The following RSRC1 variants were observed in gnomAD, a reference collection of about 807,000 sequenced individuals.
RSRC1 encodes serine/Arginine-related protein 53.
In RSRC1, 39 loss-of-function variants were observed where a neutral mutation model predicts 49.1. That is an observed-to-expected ratio of 0.79 (90% CI 0.61 to 1.04). The LOEUF (loss-of-function observed/expected upper bound fraction) is 1.04. RSRC1 is among the 50% of genes least tolerant of loss of function. The probability of loss-of-function intolerance (pLI) is 0.00; values close to 1 mark genes in which losing one functional copy is unlikely to be tolerated. For synonymous variants in RSRC1, 143 were observed against 130.8 expected, an observed-to-expected ratio of 1.09 and a Z score of -0.63; for missense variants, 388 against 402.4, an observed-to-expected ratio of 0.96 and a Z score of 0.31.
intron 4 of RSRC1, among the ~76,000 whole-genome samples, chr3:158,242,111 T>A (rs1161888228): frequency 6.8e-6 from 1 of 147,808 alleles, no homozygotes; most frequent in Non-Finnish European, 1.5e-5. Context: ...GTTAAGTGTG[T>A]GCCATGGTGA....
intron 4 of RSRC1, among the ~76,000 whole-genome samples, chr3:158,230,870 A>G (rs1254098530): frequency 1.3e-5 from 2 of 152,152 alleles, no homozygotes; most frequent in Non-Finnish European, 2.9e-5. Flanking sequence ...AAAGCATGAC[A>G]TGATATTAGA....
chr3:158,518,375 A>AT (rs62873061), intron 7 of RSRC1, among the ~76,000 whole-genome samples: 1,483 of 144,088 alleles, frequency 0.01, 11 homozygotes, highest in Non-Finnish European at 0.013. Flanking sequence ...TTTATAAAAG[A>AT]TTTTTTTTTT....
At chr3:158,261,880 A>G (rs939730562) in intron 4 of RSRC1, among the ~76,000 whole-genome samples, 1 of 152,234 alleles carries the variant, frequency 6.6e-6, no homozygotes, top group African/African-American at 2.4e-5. Context: ...ATTTCATTAT[A>G]TATGACAATG....
intron 3 of RSRC1, among the ~76,000 whole-genome samples, chr3:158,191,278 T>C (rs1446680344): frequency 1.3e-5 from 2 of 152,140 alleles, no homozygotes; most frequent in African/African-American, 4.8e-5. Flanking sequence ...AATGTCATCC[T>C]GACATGGAAT....
In RSRC1 at chr3:158,513,882, C is replaced by T. The variant is rs529540854; in HGVS notation, c.653-23210C>T. 1.2e-3 allele frequency among the ~76,000 whole-genome samples: 178 copies of T among 152,276 alleles called. 1 individual carries two copies. The South Asian group carries it at 0.013, about 11-fold the overall frequency. ...GTGTCAAGGAATTTATCCATTTCTT[C>T]TAGATTTTCTAGTTTATTTGCGTAG... On this transcript the variant is annotated intron_variant, in intron 7 of 9. Coordinates refer to ENST00000611884, the MANE Select transcript of RSRC1 (RefSeq NM_001271838.2).
chr3:158,495,871 A>G (rs1310123784), intron 7 of RSRC1, among the ~76,000 whole-genome samples: 2 of 152,270 alleles, frequency 1.3e-5, no homozygotes, highest in African/African-American at 2.4e-5. Flanking sequence ...AGCCTAAAAT[A>G]CTGTCTTGCC....
chr3:158,166,488 A>G (rs932511904), intron 3 of RSRC1, among the ~76,000 whole-genome samples: 1 of 152,202 alleles, frequency 6.6e-6, no homozygotes, highest in Admixed American at 6.5e-5. Context: ...ACGGTCAATT[A>G]TGCCCTTTTG....
chr3:158,293,847 TTA>T (rs1396193772), intron 4 of RSRC1, among the ~76,000 whole-genome samples: 1 of 152,118 alleles, frequency 6.6e-6, no homozygotes, highest in African/African-American at 2.4e-5. Flanking sequence ...AGAGTTGTTA[TTA>T]CTCCATTGTC....
intron 6 of RSRC1, among the ~76,000 whole-genome samples, chr3:158,415,632 A>G (rs139207875): frequency 1.4e-4 from 21 of 152,162 alleles, no homozygotes; most frequent in African/African-American, 4.8e-4. Context: ...CAGTTTTTAA[A>G]TAATTCTTAT....
intron 6 of RSRC1, among the ~76,000 whole-genome samples, chr3:158,459,634 A>G (rs12631628): frequency 0.32 from 48,753 of 151,930 alleles, 8,610 homozygotes; most frequent in Middle Eastern, 0.47. Flanking sequence ...AGGGAGAATA[A>G]AGTGTAAATG....
chr3:158,473,148 G>T (rs1360001708), intron 7 of RSRC1, among the ~76,000 whole-genome samples: 5 of 152,132 alleles, frequency 3.3e-5, no homozygotes, highest in Non-Finnish European at 7.3e-5. Flanking sequence ...ATATGACCCA[G>T]CTATCCCATT....
At position 158,544,162 on chromosome 3, in the gene RSRC1, C is replaced by A. The variant is rs956797861; in HGVS notation, c.913-21C>A. On this transcript the variant is annotated intron_variant, in intron 9 of 9. Coordinates refer to ENST00000611884, the MANE Select transcript of RSRC1 (RefSeq NM_001271838.2). Reference sequence around the variant, plus strand: ...TTATTGGGAGACAGTAACATTTTTTCTTTTTCTTTTCTTATTTCAGTTATT... The same window carrying A: ...TTATTGGGAGACAGTAACATTTTTTATTTTTCTTTTCTTATTTCAGTTATT... 7.1e-6 allele frequency: 11 copies of A among 1,557,378 alleles called. No individual in the cohort carries two copies. In the Admixed American group the frequency reaches 1.7e-4, roughly 24 times the overall value.
At chr3:158,314,933 G>A (rs2108151914) in intron 5 of RSRC1, among the ~76,000 whole-genome samples, 1 of 152,114 alleles carries the variant, frequency 6.6e-6, no homozygotes, top group East Asian at 1.9e-4. Context: ...AGAGGAGGCT[G>A]AGGCAGGAGA....
intron 4 of RSRC1, among the ~76,000 whole-genome samples, chr3:158,234,361 G>T (rs762490067): frequency 6.6e-6 from 1 of 152,120 alleles, no homozygotes; most frequent in Non-Finnish European, 1.5e-5. Flanking sequence ...CCTTGTGATA[G>T]CAATGATTAT....
At chr3:158,434,494 G>C (rs1175283512) in intron 6 of RSRC1, among the ~76,000 whole-genome samples, 1 of 152,058 alleles carries the variant, frequency 6.6e-6, no homozygotes, top group East Asian at 1.9e-4. Context: ...AAACATTCTA[G>C]TTTGGATAAG....
intron 1 of RSRC1, among the ~76,000 whole-genome samples, chr3:158,119,923 C>G (rs957365933): frequency 6.6e-6 from 1 of 151,302 alleles, no homozygotes; most frequent in Admixed American, 6.6e-5. Flanking sequence ...CTCCGCCTCC[C>G]AGGTTCAAGC....
chr3:158,311,436 G>A (rs1728119783), intron 5 of RSRC1, among the ~76,000 whole-genome samples: 1 of 151,606 alleles, frequency 6.6e-6, no homozygotes, highest in Non-Finnish European at 1.5e-5. Context: ...TTAATATTTA[G>A]ATTTAAAAAT....
intron 3 of RSRC1, among the ~76,000 whole-genome samples, chr3:158,135,527 G>A (rs1159554933): frequency 2.6e-5 from 4 of 151,022 alleles, no homozygotes; most frequent in Non-Finnish European, 5.9e-5. Flanking sequence ...TGATCTACAC[G>A]CCTAGGCCTC....
At chr3:158,505,855 A>G (rs1739837137) in intron 7 of RSRC1, among the ~76,000 whole-genome samples, 1 of 152,132 alleles carries the variant, frequency 6.6e-6, no homozygotes, top group African/African-American at 2.4e-5. Context: ...GGTTCTTCAA[A>G]TAATTGAAAA....
Sources: gnomAD v4.1 joint callset for allele counts (sites outside exome capture counted in the v4.1 genomes callset) on GRCh38, gnomAD v4.1.1 for gene constraint, MANE v1.5 for transcripts, NCBI Gene and HGNC (gene_info 2026-07-23, HGNC 2026-07-21) for gene names.